Variants in LMCD1 observed in about 807,000 individuals in gnomAD.
LMCD1 encodes the protein LIM and cysteine-rich domains protein 1.
Under a neutral mutation model 42.7 loss-of-function variants are expected in LMCD1, and 32 were observed. That is an observed-to-expected ratio of 0.75 (90% CI 0.57 to 1.01). LMCD1 has a LOEUF of 1.01. Ranked by LOEUF, LMCD1 falls within the 50% of genes least tolerant of loss-of-function variation. LMCD1 has a pLI of 0.00. For synonymous variants in LMCD1, 178 were observed against 184.9 expected (o/e 0.96, Z 0.30); for missense variants, 458 against 483.1 (o/e 0.95, Z 0.49).
At chr3:8,543,601 G>C (rs1355936538) in intron 3 of LMCD1, among the ~76,000 whole-genome samples, 1 of 152,162 alleles carries the variant, frequency 6.6e-6, no homozygotes, top group Non-Finnish European at 1.5e-5. Flanking sequence ...TCCCACCTCA[G>C]CCACTGAAGT....
chr3:8,511,798 C>A (rs1396594600), intron 1 of LMCD1, among the ~76,000 whole-genome samples: 2 of 152,270 alleles, frequency 1.3e-5, no homozygotes, highest in African/African-American at 4.8e-5. Context: ...TCCTCTCAAG[C>A]AAAACCCACT....
In LMCD1 at chr3:8,532,905, G is replaced by C. The variant is rs531232108; in HGVS notation, c.131+80G>C. The C allele has an allele frequency of 1.5e-5, 17 of 1,122,854 alleles. No individual in the cohort carries two copies. In the African/African-American group the frequency reaches 2.5e-4, roughly 16 times the overall value. 69.6% of individuals were successfully genotyped at this position (1,122,854 alleles called of 1,614,324 possible). A position where few individuals can be genotyped will look rare whatever the true frequency, so the allele number is the denominator to read the frequency against. Reference sequence around the variant, plus strand: ...TCGGGGAACCCTGGTTGCTTTCTTCGCTGAGACTGCTTTGGTTGTATGCGT... The same window carrying C: ...TCGGGGAACCCTGGTTGCTTTCTTCCCTGAGACTGCTTTGGTTGTATGCGT... On this transcript the variant is annotated intron_variant, in intron 2 of 5. Coordinates refer to ENST00000157600, the MANE Select transcript of LMCD1 (RefSeq NM_014583.4).
Position 8,537,626 on chromosome 3 carries a change from C to T in LMCD1, c.387+186C>T, listed in dbSNP as rs554865708. ...TGAGAAATGAAGACTATCTGGGCCT[C>T]GGTTTTCCTTATCCATGAAATGGGT... On this transcript the variant is annotated intron_variant, in intron 3 of 5. Transcript: ENST00000157600. 4 of 600,576 alleles carry T rather than the reference C, an allele frequency of 6.7e-6. No homozygotes were observed. The South Asian group carries it at 1.0e-4, about 15-fold the overall frequency. The allele number at this position is 600,576 out of a possible 1,614,324, so 37.2% of individuals were successfully genotyped here. A position where few individuals can be genotyped will look rare whatever the true frequency, so the allele number is the denominator to read the frequency against.
intron 4 of LMCD1, among the ~76,000 whole-genome samples, chr3:8,552,146 T>G (rs530539208): frequency 6.6e-6 from 1 of 152,334 alleles, no homozygotes; most frequent in African/African-American, 2.4e-5. Context: ...GGGCATTGCC[T>G]GAACCAAGGA....
At chr3:8,546,513 C>G (rs1694737766) in intron 3 of LMCD1, among the ~76,000 whole-genome samples, 1 of 152,178 alleles carries the variant, frequency 6.6e-6, no homozygotes, top group African/African-American at 2.4e-5. Flanking sequence ...TGGCCACAGT[C>G]ACACCGCCGG....
In LMCD1 at chr3:8,571,212, G is replaced by A. The variant is rs1695212109; in HGVS notation, c.*3614G>A. 1 of 151,954 alleles carries A rather than the reference G, an allele frequency of 6.6e-6. No homozygotes were observed. The highest frequency in any genetic ancestry group is 1.5e-5 in the Non-Finnish European group (1 of 68,018). The allele number at this position is 151,954 out of a possible 1,614,324, so 9.4% of individuals were successfully genotyped here. On this transcript the variant is annotated 3_prime_UTR_variant, in exon 6 of 6. Coordinates refer to ENST00000157600, the MANE Select transcript of LMCD1 (RefSeq NM_014583.4). ...CAGTAATTCTTCCAAGGCCTTTATT[G>A]TGCTATAATTATTTATTCATGAAAG... is the stretch of plus-strand genomic sequence containing the variant.
chr3:8,528,397 T>A (rs1694341407), intron 1 of LMCD1, among the ~76,000 whole-genome samples: 1 of 152,134 alleles, frequency 6.6e-6, no homozygotes. Flanking sequence ...GGTCTCACTA[T>A]GTTGCACAGG....
intron 1 of LMCD1, among the ~76,000 whole-genome samples, chr3:8,529,856 A>G (rs887134388): frequency 7.9e-5 from 12 of 152,214 alleles, no homozygotes; most frequent in African/African-American, 2.7e-4. Flanking sequence ...TGACAACAAC[A>G]AAGAACGCTC....
intron 1 of LMCD1, among the ~76,000 whole-genome samples, chr3:8,518,515 G>C (rs1016713833): frequency 6.6e-6 from 1 of 152,190 alleles, no homozygotes; most frequent in African/African-American, 2.4e-5. Context: ...GGGTTCTGCA[G>C]CAAGAAGACA....
At chr3:8,531,221 A>T (rs1422064723) in intron 1 of LMCD1, among the ~76,000 whole-genome samples, 1 of 152,206 alleles carries the variant, frequency 6.6e-6, no homozygotes, top group Admixed American at 6.5e-5. Context: ...GGACATGCTC[A>T]CATTGCATAC....
rs146991895 is a variant in LMCD1 at position 8,521,514 on chromosome 3, G to A, written c.43-11223G>A. 5.1e-3 allele frequency among the ~76,000 whole-genome samples: 783 copies of A among 152,320 alleles called. 3 individuals carry two copies. The highest frequency in any genetic ancestry group is 0.016 in the African/African-American group (662 of 41,566). ...AACTGGGAGAAGGAGCCCAGCCTGC[G>A]AATGATTTTATAGAATTGCTTATAG... On this transcript the variant is annotated intron_variant, in intron 1 of 5. Transcript: ENST00000157600.
chr3:8,565,646 A>G lies in LMCD1; in HGVS notation c.938A>G (p.Glu313Gly). The G allele has an allele frequency of 6.3e-7, 1 of 1,593,436 alleles. No homozygotes were observed. Among genetic ancestry groups the G allele is most frequent in the African/African-American group, 1.3e-5 (1 of 74,708 alleles). Residue 313 changes from glutamate to glycine, a missense_variant and splice_region_variant, in exon 5 of 6, where the codon GAG (glutamate) becomes GGG (glycine). Physicochemically the swap from Glu to Gly is moderately conservative, Grantham distance 98. Transcript: ENST00000157600. ...CGGCCCCGGTGCTCCGGCTGCGATG[A>G]GGTGGGAGATAGCCGCGAGATGGGT... ...SLRPRCSGCDEIIFAEDYQRV... is the reference protein window; with the variant it reads ...SLRPRCSGCDGIIFAEDYQRV...
intron 1 of LMCD1, among the ~76,000 whole-genome samples, chr3:8,521,187 G>A (rs920418799): frequency 5.3e-5 from 8 of 152,130 alleles, no homozygotes; most frequent in African/African-American, 1.9e-4. Flanking sequence ...GCAAGAAGCT[G>A]GCAGCCAAAA....
chr3:8,515,262 A>G (rs1694077773), intron 1 of LMCD1, among the ~76,000 whole-genome samples: 1 of 152,126 alleles, frequency 6.6e-6, no homozygotes. Flanking sequence ...ATCTTCCACT[A>G]CAACATTCTG....
At chr3:8,518,227 A>G (rs925876791) in intron 1 of LMCD1, among the ~76,000 whole-genome samples, 1 of 152,228 alleles carries the variant, frequency 6.6e-6, no homozygotes, top group Admixed American at 6.5e-5. Flanking sequence ...TTCCAAAGCA[A>G]TGAGCCCAGA....
intron 3 of LMCD1, among the ~76,000 whole-genome samples, chr3:8,545,838 A>G (rs890804975): frequency 6.6e-6 from 1 of 152,214 alleles, no homozygotes. Flanking sequence ...AAAGCCACAG[A>G]TAGAAAAGCA....
intron 4 of LMCD1, among the ~76,000 whole-genome samples, chr3:8,555,624 CT>C (rs112835144): frequency 0.035 from 5,142 of 145,984 alleles, 324 homozygotes; most frequent in African/African-American, 0.12. Flanking sequence ...TCAGGGAGAT[CT>C]TTTTTTTTGT....
intron 1 of LMCD1, among the ~76,000 whole-genome samples, chr3:8,502,569 T>TACAC (rs5846600): frequency 9.1e-4 from 122 of 134,430 alleles, no homozygotes; most frequent in Admixed American, 2.0e-3. Flanking sequence ...TTTCCCCCAA[T>TACAC]ACACACACAC....
intron 1 of LMCD1, chr3:8,514,954 G>A (rs1437529427): frequency 4.4e-6 from 2 of 455,838 alleles, no homozygotes; most frequent in Non-Finnish European, 8.8e-6. Context: ...TACATATAAA[G>A]TAATCGAGCG....
Sources: gnomAD v4.1 joint callset for allele counts (sites outside exome capture counted in the v4.1 genomes callset) on GRCh38, gnomAD v4.1.1 for gene constraint, MANE v1.5 for transcripts, NCBI Gene and HGNC (gene_info 2026-07-23, HGNC 2026-07-21) for gene names.